DIAPH2: variants seen among roughly 807,000 people sequenced by gnomAD.
DIAPH2 encodes protein diaphanous homolog 2.
In DIAPH2, 35 loss-of-function variants were observed where a neutral mutation model predicts 92.7. The observed-to-expected ratio is 0.38, with a 90% CI of 0.29 to 0.50. The LOEUF (loss-of-function observed/expected upper bound fraction) is 0.50, where lower values mean the gene tolerates loss of function less well. DIAPH2 is among the 20% of genes least tolerant of loss of function. The pLI is 0.94. For synonymous variants in DIAPH2, 301 were observed against 280.4 expected, an observed-to-expected ratio of 1.07 and a Z score of -0.73; for missense variants, 701 against 819.5, an observed-to-expected ratio of 0.86 and a Z score of 1.77.
chrX:96,739,937 C>T (rs1308491747), intron 3 of DIAPH2, among the ~76,000 whole-genome samples: 3 of 112,153 alleles, frequency 2.7e-5, no homozygotes, highest in Admixed American at 1.9e-4. Context: ...TTGTCCTTTA[C>T]CCTTGCTACT....
intron 25 of DIAPH2, among the ~76,000 whole-genome samples, chrX:97,407,663 A>T (rs1233876201): frequency 1.8e-5 from 2 of 112,229 alleles, no homozygotes; most frequent in Non-Finnish European, 3.8e-5. Flanking sequence ...AATCTTTTCT[A>T]GTTAATCCCA....
At chrX:97,465,273 C>CCACACACACA (rs765899834) in intron 26 of DIAPH2, among the ~76,000 whole-genome samples, 1 of 106,848 alleles carries the variant, frequency 9.4e-6, no homozygotes, top group African/African-American at 3.4e-5. Context: ...TAGAATTCAC[C>CCACACACACA]CACACACACA....
intron 8 of DIAPH2, 118 bp from the exon 9 acceptor site, chrX:96,918,391 A>G: frequency 9.4e-6 from 4 of 425,479 alleles, no homozygotes; most frequent in Non-Finnish European, 1.6e-5. Flanking sequence ...TAAAAATTCT[A>G]ATGGTATATA....
intron 4 of DIAPH2, among the ~76,000 whole-genome samples, chrX:96,768,544 A>T (rs1345272457): frequency 8.9e-6 from 1 of 112,104 alleles, no homozygotes; most frequent in Non-Finnish European, 1.9e-5. Context: ...CACATATAAA[A>T]TATAATGACA....
chrX:96,709,488 GTTTCTATCTTCTAAAGAAAATGA>G, intron 1 of DIAPH2, among the ~76,000 whole-genome samples: 1 of 111,964 alleles, frequency 8.9e-6, no homozygotes, highest in African/African-American at 3.2e-5. Context: ...GGTGTCTCCA[GTTTCTATCTTCTAAAGAAAATGA>G]AACTACATAT....
intron 4 of DIAPH2, among the ~76,000 whole-genome samples, chrX:96,777,373 TATA>T (rs2064383795): frequency 8.9e-6 from 1 of 111,924 alleles, no homozygotes; most frequent in Non-Finnish European, 1.9e-5. Context: ...GATTAGTAAT[TATA>T]ATGATACATT....
intron 19 of DIAPH2, among the ~76,000 whole-genome samples, chrX:97,091,455 T>A (rs1470763164): frequency 2.7e-5 from 3 of 110,042 alleles, no homozygotes; most frequent in Non-Finnish European, 5.7e-5. Flanking sequence ...TAAAAGCTAT[T>A]TTAGCGATGG....
chrX:97,396,054 A>G (rs761074883), intron 25 of DIAPH2, among the ~76,000 whole-genome samples: 6 of 112,580 alleles, frequency 5.3e-5, no homozygotes. Flanking sequence ...AACTGACTAT[A>G]TAAGAAATTA....
At chrX:97,165,783 T>C (rs1265282637) in intron 22 of DIAPH2, among the ~76,000 whole-genome samples, 3 of 110,865 alleles carry the variant, frequency 2.7e-5, no homozygotes, top group Non-Finnish European at 5.7e-5. Flanking sequence ...TGAGCCACCA[T>C]GCTCAGCCCT....
intron 1 of DIAPH2, among the ~76,000 whole-genome samples, chrX:96,714,744 A>G (rs2063939712): frequency 9.0e-6 from 1 of 111,331 alleles, no homozygotes; most frequent in Non-Finnish European, 1.9e-5. Flanking sequence ...TAAATAAATC[A>G]ATAAATTGTA....
intron 22 of DIAPH2, among the ~76,000 whole-genome samples, chrX:97,208,642 T>G (rs966725086): frequency 2.7e-5 from 3 of 111,885 alleles, no homozygotes; most frequent in Non-Finnish European, 5.6e-5. Flanking sequence ...TAGAAAGGAA[T>G]GTATAGACTT....
intron 11 of DIAPH2, among the ~76,000 whole-genome samples, chrX:96,937,604 G>A (rs1170079903): frequency 1.8e-5 from 2 of 111,710 alleles, no homozygotes; most frequent in Non-Finnish European, 3.8e-5. Flanking sequence ...CTACTCAGTG[G>A]TCTTGAATAA....
chrX:97,426,043 C>A (rs948035629), intron 25 of DIAPH2, among the ~76,000 whole-genome samples: 2 of 110,055 alleles, frequency 1.8e-5, no homozygotes, highest in African/African-American at 6.6e-5. Flanking sequence ...TTTCCAACTT[C>A]TTTTTCATTA....
rs182376867 is a variant in DIAPH2 at position 96,977,752 on chromosome X, T to C, written c.2050+12545T>C. The stretch of plus-strand genomic sequence containing the variant: ...AGGCTGGAGTGCAGTGGCATAATCT[T>C]GGCTCAGTGCAACCTCTGCCTCCCG... On this transcript the variant is annotated intron_variant, in intron 17 of 26. Coordinates refer to ENST00000324765, the MANE Select transcript of DIAPH2 (RefSeq NM_006729.5). Among the ~76,000 whole-genome samples, 317 of 110,810 alleles carry C rather than the reference T, an allele frequency of 2.9e-3. 2 individuals carry two copies. Among genetic ancestry groups the C allele is most frequent in the African/African-American group, 1.0e-2 (305 of 30,526 alleles).
At chrX:96,981,721 G>T (rs759646053) in intron 17 of DIAPH2, among the ~76,000 whole-genome samples, 2 of 111,564 alleles carry the variant, frequency 1.8e-5, no homozygotes, top group Non-Finnish European at 3.8e-5. Context: ...CTGTGTTTAC[G>T]ACATAAACAA....
chrX:97,445,352 C>T (rs1374047491), intron 26 of DIAPH2, among the ~76,000 whole-genome samples: 1 of 111,374 alleles, frequency 9.0e-6, no homozygotes, highest in African/African-American at 3.3e-5. Flanking sequence ...ACTTTCCTCA[C>T]TTTGTTCTCC....
intron 5 of DIAPH2, chrX:96,884,400 A>G: frequency 5.8e-6 from 7 of 1,210,240 alleles, no homozygotes; most frequent in Non-Finnish European, 7.8e-6. Context: ...AGAGAGATGC[A>G]ACTCCTGCTA....
chrX:97,075,140 T>A (rs2066696925), intron 18 of DIAPH2, 27 bp from the exon 19 acceptor site: 2 of 1,038,560 alleles, frequency 1.9e-6, no homozygotes, highest in Non-Finnish European at 1.3e-6. Context: ...GCTGTTATAC[T>A]TTTAATAAAA....
At chrX:97,417,281 A>G (rs769187512) in intron 25 of DIAPH2, among the ~76,000 whole-genome samples, 1 of 111,158 alleles carries the variant, frequency 9.0e-6, no homozygotes, top group East Asian at 2.8e-4. Context: ...TATAAAAGGA[A>G]AGGATGATAC....
Sources: gnomAD v4.1 joint callset for allele counts (sites outside exome capture counted in the v4.1 genomes callset) on GRCh38, gnomAD v4.1.1 for gene constraint, MANE v1.5 for transcripts, NCBI Gene and HGNC (gene_info 2026-07-23, HGNC 2026-07-21) for gene names.